LINC00305: variants seen among roughly 807,000 people sequenced by gnomAD.
LINC00305 encodes long independently transcribed non-coding RNA 305.
chr18:64,111,397 T>C (rs985342575), intron 1 of LINC00305, among the ~76,000 whole-genome samples: 4 of 152,098 alleles, frequency 2.6e-5, no homozygotes, highest in Non-Finnish European at 5.9e-5. Context: ...TGACACACAG[T>C]AGGTTCTCAG....
intron 3 of LINC00305, among the ~76,000 whole-genome samples, chr18:64,089,524 A>ACC (rs1034818494): frequency 6.6e-6 from 1 of 152,200 alleles, no homozygotes; most frequent in African/African-American, 2.4e-5. Context: ...TGTTGGCTAA[A>ACC]CCCAAGGGAA....
At chr18:64,108,173 T>G (rs2051299390) in intron 1 of LINC00305, among the ~76,000 whole-genome samples, 1 of 152,174 alleles carries the variant, frequency 6.6e-6, no homozygotes, top group Non-Finnish European at 1.5e-5. Flanking sequence ...ATAATCCAAC[T>G]CTACAAATTG....
chr18:64,126,149 C>T (rs1305180344), intron 1 of LINC00305, among the ~76,000 whole-genome samples: 2 of 152,036 alleles, frequency 1.3e-5, no homozygotes, highest in African/African-American at 2.4e-5. Flanking sequence ...AGCTACCTTG[C>T]AATTAGATGG....
chr18:64,148,147 C>G (rs1218917468), intron 1 of LINC00305, among the ~76,000 whole-genome samples: 19 of 152,028 alleles, frequency 1.2e-4, no homozygotes, highest in Admixed American at 1.2e-3. Flanking sequence ...TCCACCCAAC[C>G]TCAAATGTTT....
intron 1 of LINC00305, among the ~76,000 whole-genome samples, chr18:64,102,300 G>C (rs140434344): frequency 6.6e-6 from 1 of 151,866 alleles, no homozygotes; most frequent in Admixed American, 6.6e-5. Context: ...TGATACTCAA[G>C]GCCTAAAAAA....
intron 1 of LINC00305, among the ~76,000 whole-genome samples, chr18:64,131,971 CT>C (rs1343130397): frequency 2.3e-4 from 35 of 152,162 alleles, no homozygotes; most frequent in African/African-American, 8.2e-4. Flanking sequence ...TTGTAGCCTG[CT>C]TCTTTGTCCC....
intron 1 of LINC00305, among the ~76,000 whole-genome samples, chr18:64,123,929 C>T (rs1599223069): frequency 2.0e-5 from 3 of 152,080 alleles, no homozygotes; most frequent in Non-Finnish European, 4.4e-5. Context: ...CATAGGAACC[C>T]GCCCATCTCT....
chr18:64,100,023 T>A (rs1478545200), intron 1 of LINC00305, among the ~76,000 whole-genome samples: 1 of 152,212 alleles, frequency 6.6e-6, no homozygotes, highest in Admixed American at 6.5e-5. Context: ...AGTCTCTATT[T>A]ATAATGCAAC....
At chr18:64,115,082 A>G (rs2051331961) in intron 1 of LINC00305, among the ~76,000 whole-genome samples, 1 of 152,194 alleles carries the variant, frequency 6.6e-6, no homozygotes, top group African/African-American at 2.4e-5. Flanking sequence ...AGAACACACC[A>G]GGGAAAGGGA....
At chr18:64,080,802 A>G (rs2051182066) in intron 3 of LINC00305, among the ~76,000 whole-genome samples, 1 of 152,212 alleles carries the variant, frequency 6.6e-6, no homozygotes, top group South Asian at 2.1e-4. Context: ...ACATGTCTGT[A>G]AGACTGTATA....
intron 1 of LINC00305, among the ~76,000 whole-genome samples, chr18:64,135,201 C>T (rs904303072): frequency 6.6e-6 from 1 of 151,952 alleles, no homozygotes; most frequent in Non-Finnish European, 1.5e-5. Flanking sequence ...ATAAGGACAC[C>T]GGTCATATTA....
intron 1 of LINC00305, among the ~76,000 whole-genome samples, chr18:64,116,622 AT>A (rs2051339036): frequency 6.6e-6 from 1 of 151,994 alleles, no homozygotes; most frequent in African/African-American, 2.4e-5. Context: ...CATTGTATAT[AT>A]TTATAGTGTA....
chr18:64,114,428 G>A (rs1026171659), intron 1 of LINC00305, among the ~76,000 whole-genome samples: 7 of 152,186 alleles, frequency 4.6e-5, no homozygotes, highest in African/African-American at 1.4e-4. Context: ...CATTCCGGGT[G>A]TGCTATGAGT....
At chr18:64,113,763 C>T (rs887641288) in intron 1 of LINC00305, among the ~76,000 whole-genome samples, 20 of 152,084 alleles carry the variant, frequency 1.3e-4, no homozygotes, top group Admixed American at 9.8e-4. Flanking sequence ...AGATCAATAA[C>T]CTTGATCTTT....
chr18:64,141,632 T>G (rs1036220828), intron 1 of LINC00305, among the ~76,000 whole-genome samples: 1 of 152,172 alleles, frequency 6.6e-6, no homozygotes, highest in Non-Finnish European at 1.5e-5. Flanking sequence ...AAAAAGACTG[T>G]GTATGTGGTA....
chr18:64,146,226 A>T lies in LINC00305; in HGVS notation n.314+2549T>A, dbSNP rs147810567. On this transcript the variant is annotated intron_variant and non_coding_transcript_variant, in intron 1 of 3. Transcript: ENST00000666468. The stretch of plus-strand genomic sequence containing the variant: ...TTTTTTAGAATAGTAGTATTAGACA[A>T]ATATGTCCACCATAGCACAGATTGT... Among the ~76,000 whole-genome samples the T allele has an allele frequency of 5.3e-5, 8 of 152,344 alleles. No homozygotes were observed. The East Asian group carries it at 1.3e-3, about 26-fold the overall frequency.
chr18:64,103,764 C>G (rs1013431266), intron 1 of LINC00305, among the ~76,000 whole-genome samples: 2 of 152,044 alleles, frequency 1.3e-5, no homozygotes, highest in Non-Finnish European at 2.9e-5. Flanking sequence ...CTAATTTGTT[C>G]TTTTTGAGTT....
chr18:64,146,122 T>C (rs760307016), intron 1 of LINC00305, among the ~76,000 whole-genome samples: 1 of 152,212 alleles, frequency 6.6e-6, no homozygotes, highest in Non-Finnish European at 1.5e-5. Flanking sequence ...TTCAAAGTTT[T>C]ATTCAGCACT....
In LINC00305 at chr18:64,147,454, T is replaced by C. The variant is rs2051503437; in HGVS notation, n.314+1321A>G. 3 of 152,218 alleles carry C rather than the reference T, an allele frequency of 2.0e-5. No homozygotes were observed. The South Asian group carries it at 6.2e-4, about 32-fold the overall frequency. 9.4% of individuals were successfully genotyped at this position (152,218 alleles called of 1,614,324 possible). A position where few individuals can be genotyped will look rare whatever the true frequency, so the allele number is the denominator to read the frequency against. Reference sequence around the variant, plus strand: ...AGAAACTCCACAATGCTATATCTGCTCTATCTTCTGTTTTTAACATTGTGA... The same window carrying C: ...AGAAACTCCACAATGCTATATCTGCCCTATCTTCTGTTTTTAACATTGTGA... On this transcript the variant is annotated intron_variant and non_coding_transcript_variant, in intron 1 of 3. Transcript: ENST00000666468.
Sources: allele counts gnomAD v4.1 joint callset (sites outside exome capture counted in the v4.1 genomes callset), GRCh38; gene constraint gnomAD v4.1.1; transcripts MANE v1.5; gene names NCBI Gene and HGNC (gene_info 2026-07-23, HGNC 2026-07-21).